Variants in FAM180A observed in about 807,000 individuals in gnomAD.
FAM180A encodes protein FAM180A.
A neutral mutation model predicts 15.3 loss-of-function variants in FAM180A; 14 were observed. The observed-to-expected ratio is 0.92, with a 90% CI of 0.61 to 1.43. The LOEUF is 1.43. Ranked by LOEUF, FAM180A falls within the 40% of genes most tolerant of loss-of-function variation. FAM180A has a pLI of 0.00. For missense variants in FAM180A, 200 were observed against 220.8 expected (o/e 0.91, Z 0.60); for synonymous variants, 90 against 96.8 (o/e 0.93, Z 0.41).
chr7:135,731,153 A>G (rs1184340839), intron 3 of FAM180A, among the ~76,000 whole-genome samples: 1 of 152,144 alleles, frequency 6.6e-6, no homozygotes, highest in Non-Finnish European at 1.5e-5. Flanking sequence ...GATTCTGAGT[A>G]CAAGAAAGCT....
At chr7:135,737,309 A>G (rs1335429116) in intron 1 of FAM180A, 110 bp from the exon 2 acceptor site, 2 of 826,384 alleles carry the variant, frequency 2.4e-6, no homozygotes, top group East Asian at 2.9e-5. Flanking sequence ...TGACTTGGCC[A>G]GGCACGGTGG....
intron 1 of FAM180A, among the ~76,000 whole-genome samples, chr7:135,738,012 C>G (rs767292362): frequency 6.6e-6 from 1 of 152,226 alleles, no homozygotes; most frequent in Non-Finnish European, 1.5e-5. Flanking sequence ...TGTTGATTCA[C>G]TGCCTGTTTT....
chr7:135,747,366 A>G (rs2129496345), intron 1 of FAM180A, among the ~76,000 whole-genome samples: 1 of 152,246 alleles, frequency 6.6e-6, no homozygotes, highest in South Asian at 2.1e-4. Context: ...TTATGAGAAA[A>G]ATGAAGAATG....
intron 3 of FAM180A, among the ~76,000 whole-genome samples, chr7:135,730,945 C>A (rs1238676871): frequency 7.4e-6 from 1 of 134,414 alleles, no homozygotes; most frequent in African/African-American, 2.9e-5. Flanking sequence ...TTAAAAAGGT[C>A]ATGTCCTTCT....
At chr7:135,746,240 G>A (rs1797030937) in intron 1 of FAM180A, among the ~76,000 whole-genome samples, 2 of 152,218 alleles carry the variant, frequency 1.3e-5, no homozygotes, top group South Asian at 2.1e-4. Flanking sequence ...CTCCCAGAAT[G>A]TTGCTGTAGA....
intron 1 of FAM180A, among the ~76,000 whole-genome samples, chr7:135,744,045 G>T (rs4430037): frequency 0.51 from 77,853 of 151,890 alleles, 20,605 homozygotes; most frequent in East Asian, 0.62. Flanking sequence ...GACGAAGCTA[G>T]TTTTTAATTG....
At position 135,729,901 on chromosome 7, in the gene FAM180A, A is replaced by T. The variant is rs1796756812; in HGVS notation, c.*710T>A. 1.4e-6 allele frequency: 1 copy of T among 711,886 alleles called. No homozygotes were observed. Among genetic ancestry groups the T allele is most frequent in the Non-Finnish European group, 1.7e-6 (1 of 580,332 alleles). 44.1% of individuals were successfully genotyped at this position (711,886 alleles called of 1,614,324 possible). Reference sequence around the variant, plus strand: ...TCGGTGGGTATAGAACTTCAGAATTACAAGATGAGAAAGTTCCGGGGGTCT... The same window carrying T: ...TCGGTGGGTATAGAACTTCAGAATTTCAAGATGAGAAAGTTCCGGGGGTCT... On this transcript the variant is annotated 3_prime_UTR_variant, in exon 4 of 4. Transcript: ENST00000338588.
chr7:135,748,605 C>A lies in FAM180A; in HGVS notation c.-25G>T. 1.9e-6 allele frequency: 3 copies of A among 1,604,670 alleles called. No homozygotes were observed. Among genetic ancestry groups the A allele is most frequent in the East Asian group, 2.2e-5 (1 of 44,840 alleles). On this transcript the variant is annotated 5_prime_UTR_variant, in exon 1 of 4. Coordinates refer to ENST00000338588, the MANE Select transcript of FAM180A (RefSeq NM_205855.4). ...TCTTGTCCTTCAAAAGGTGAAAAAT[C>A]GACCCTCAAGCCCAGTGGAACCCCA...
At chr7:135,743,150 T>C (rs1473020383) in intron 1 of FAM180A, among the ~76,000 whole-genome samples, 1 of 152,130 alleles carries the variant, frequency 6.6e-6, no homozygotes, top group East Asian at 1.9e-4. Flanking sequence ...TAATGTGATA[T>C]GCAAGGTCAA....
intron 1 of FAM180A, among the ~76,000 whole-genome samples, chr7:135,748,016 T>C (rs573209156): frequency 6.3e-4 from 96 of 152,292 alleles, no homozygotes; most frequent in African/African-American, 2.0e-3. Context: ...TCTCCTCACC[T>C]GCCCACCTCT....
At chr7:135,745,223 A>G (rs537659339) in intron 1 of FAM180A, among the ~76,000 whole-genome samples, 2 of 152,174 alleles carry the variant, frequency 1.3e-5, no homozygotes, top group Non-Finnish European at 2.9e-5. Flanking sequence ...CTGAGGACAC[A>G]CACAACCCTT....
At chr7:135,743,786 A>G (rs544351147) in intron 1 of FAM180A, among the ~76,000 whole-genome samples, 1 of 152,302 alleles carries the variant, frequency 6.6e-6, no homozygotes, top group South Asian at 2.1e-4. Context: ...TTGTATTCTC[A>G]GTGCCTAGTA....
At chr7:135,741,398 C>T (rs1274670763) in intron 1 of FAM180A, among the ~76,000 whole-genome samples, 1 of 152,016 alleles carries the variant, frequency 6.6e-6, no homozygotes, top group Non-Finnish European at 1.5e-5. Flanking sequence ...CACCTGTAGT[C>T]CCAGCTACTC....
intron 3 of FAM180A, among the ~76,000 whole-genome samples, chr7:135,731,810 C>T (rs1796786956): frequency 6.6e-6 from 1 of 152,232 alleles, no homozygotes; most frequent in African/African-American, 2.4e-5. Context: ...GCGGCTAGCA[C>T]TGCTATGCAA....
chr7:135,730,164 C>T lies in FAM180A; in HGVS notation c.*447G>A. On this transcript the variant is annotated 3_prime_UTR_variant, in exon 4 of 4. Coordinates refer to ENST00000338588, the MANE Select transcript of FAM180A (RefSeq NM_205855.4). The stretch of plus-strand genomic sequence containing the variant: ...TGAGGTGACAGAGCAATGAAGTCTG[C>T]AGCAGTTAAATGTCTGTTGATGTCT... The T allele has an allele frequency of 2.0e-6, 2 of 985,354 alleles. No individual in the cohort carries two copies. Among genetic ancestry groups the T allele is most frequent in the Non-Finnish European group, 2.4e-6 (2 of 829,906 alleles). 61.0% of individuals were successfully genotyped at this position (985,354 alleles called of 1,614,324 possible).
At chr7:135,748,198 G>A (rs548183968) in intron 1 of FAM180A, among the ~76,000 whole-genome samples, 2 of 152,330 alleles carry the variant, frequency 1.3e-5, no homozygotes, top group African/African-American at 4.8e-5. Context: ...TGCAGGTGGT[G>A]GGGGCAGTCG....
intron 1 of FAM180A, among the ~76,000 whole-genome samples, chr7:135,743,282 T>C (rs1190359424): frequency 6.8e-6 from 1 of 147,844 alleles, no homozygotes; most frequent in Admixed American, 6.9e-5. Context: ...AGGGCAGTGG[T>C]GCAATCTGGG....
At chr7:135,739,080 T>C (rs1796909696) in intron 1 of FAM180A, among the ~76,000 whole-genome samples, 1 of 151,708 alleles carries the variant, frequency 6.6e-6, no homozygotes, top group Admixed American at 6.6e-5. Context: ...GAGGCTGAGG[T>C]GGGCAGATCA....
chr7:135,730,950 CCTT>C (rs2129495840), intron 3 of FAM180A, among the ~76,000 whole-genome samples: 1 of 112,584 alleles, frequency 8.9e-6, no homozygotes, highest in East Asian at 2.7e-4. Context: ...AAGGTCATGT[CCTT>C]CTTTTTTCTA....
Sources: gnomAD v4.1 joint callset for allele counts (sites outside exome capture counted in the v4.1 genomes callset) on GRCh38, gnomAD v4.1.1 for gene constraint, MANE v1.5 for transcripts, NCBI Gene and HGNC (gene_info 2026-07-23, HGNC 2026-07-21) for gene names.